Variants in BICD2 observed in about 807,000 individuals in gnomAD.
BICD2 encodes the protein BICD cargo adaptor 2, also known as protein bicaudal D homolog 2.
Under a neutral mutation model 72.9 loss-of-function variants are expected in BICD2, and 25 were observed. That is an observed-to-expected ratio of 0.34 (90% CI 0.25 to 0.48). The LOEUF is 0.48. BICD2 is among the 20% of genes least tolerant of loss of function. The pLI is 0.99. For missense variants in BICD2, 894 were observed against 1,175.2 expected (o/e 0.76, Z 3.50); for synonymous variants, 501 against 516.1 (o/e 0.97, Z 0.40).
intron 3 of BICD2, among the ~76,000 whole-genome samples, chr9:92,722,337 T>TG (rs1853479908): frequency 6.6e-6 from 1 of 152,170 alleles, no homozygotes; most frequent in Non-Finnish European, 1.5e-5. Flanking sequence ...CAGCACCTGA[T>TG]GGGGGAGTCT....
rs189444416 is a variant in BICD2, at chr9:92,752,041, G to A, written c.240+12464C>T. 7.8e-3 allele frequency among the ~76,000 whole-genome samples: 1,181 copies of A among 152,144 alleles called. 11 individuals are homozygous for A. The highest frequency in any genetic ancestry group is 0.013 in the Non-Finnish European group (859 of 67,998). ...GCTGGTCTCGAACTCCTAACCTCAC[G>A]TGATCCACCCGCCTCGGCCTCCCAA... On this transcript the variant is annotated intron_variant, in intron 1 of 6. Coordinates refer to ENST00000356884, the MANE Select transcript of BICD2 (RefSeq NM_001003800.2).
chr9:92,711,899 C>A lies in BICD2; in HGVS notation c.*3255G>T, dbSNP rs953604924. 2 of 152,312 alleles carry A rather than the reference C, an allele frequency of 1.3e-5. No individual in the cohort carries two copies. The highest frequency in any genetic ancestry group is 4.2e-4 in the South Asian group (2 of 4,818). The allele number at this position is 152,312 out of a possible 1,614,324, so 9.4% of individuals were successfully genotyped here. The stretch of plus-strand genomic sequence containing the variant: ...ACAGTTTTTCTTCCTCCAAGAGTAC[C>A]AATTTGACCACTCCCACTAACCTCA... On this transcript the variant is annotated 3_prime_UTR_variant, in exon 7 of 7. Coordinates refer to ENST00000356884, the MANE Select transcript of BICD2 (RefSeq NM_001003800.2).
chr9:92,737,889 G>T (rs1354578896), intron 1 of BICD2, among the ~76,000 whole-genome samples: 1 of 152,224 alleles, frequency 6.6e-6, no homozygotes, highest in South Asian at 2.1e-4. Flanking sequence ...CAAAGCAAAA[G>T]GTAGGACAAG....
chr9:92,738,519 C>T (rs1036771762), intron 1 of BICD2, among the ~76,000 whole-genome samples: 2 of 152,230 alleles, frequency 1.3e-5, no homozygotes, highest in African/African-American at 2.4e-5. Context: ...CCCCCTCCCT[C>T]CCCACTCTCA....
rs1248902539 is a variant in BICD2 at position 92,718,799 on chromosome 9, G to A, written c.1846C>T (p.Pro616Ser). ...SPSPGSSLPSPLSDPRREPMN... is the reference protein window; with the variant it reads ...SPSPGSSLPSSLSDPRREPMN... ...GGCTCCCGGCGTGGGTCACTCAGGGGTGATGGCAGTGAGGAGCCAGGCGAG... is the reference window on the plus strand; with the variant it reads ...GGCTCCCGGCGTGGGTCACTCAGGGATGATGGCAGTGAGGAGCCAGGCGAG... Residue 616 changes from proline to serine, a missense_variant, in exon 5 of 7, where the codon CCC (proline) becomes TCC (serine). This residue lies in a region of BICD2 where 321 missense variants were observed against 443.9 expected (regional missense o/e 0.72). Coordinates refer to ENST00000356884, the MANE Select transcript of BICD2 (RefSeq NM_001003800.2). 1 of 1,613,500 alleles carries A rather than the reference G, an allele frequency of 6.2e-7. No homozygotes were observed. The highest frequency in any genetic ancestry group is 1.3e-5 in the African/African-American group (1 of 74,918).
chr9:92,719,452 C>G lies in BICD2; in HGVS notation c.1193G>C (p.Arg398Pro), dbSNP rs749831276. The change falls in exon 5 of 7, where the codon CGG (arginine) becomes CCG (proline). Residue 398 changes from arginine (R) to proline (P), a missense_variant. Around this residue, in one of 5 missense-constraint regions of BICD2, gnomAD observed 371 missense variants for 439.1 expected, o/e 0.84. Transcript: ENST00000356884. Reference sequence around the variant, plus strand: ...CCGCTCCTTGCTGGCCTGCAGGCGCCGCAGGGCACTCAGATTCTCTGTGAG... The same window carrying G: ...CCGCTCCTTGCTGGCCTGCAGGCGCGGCAGGGCACTCAGATTCTCTGTGAG... ...TRLTENLSAL[R>P]RLQASKERQT... The G allele has an allele frequency of 6.2e-7, 1 of 1,614,012 alleles. No individual in the cohort carries two copies. Among genetic ancestry groups the G allele is most frequent in the African/African-American group, 1.3e-5 (1 of 74,946 alleles).
chr9:92,734,002 T>C (rs1853727352), intron 1 of BICD2, among the ~76,000 whole-genome samples: 1 of 151,630 alleles, frequency 6.6e-6, no homozygotes, highest in Non-Finnish European at 1.5e-5. Flanking sequence ...TTCCCAAGTA[T>C]CTGTCATCAG....
At chr9:92,715,548 T>C in intron 6 of BICD2, 85 bp from the exon 7 acceptor site, 4 of 1,352,556 alleles carry the variant, frequency 3.0e-6, no homozygotes, top group Non-Finnish European at 4.0e-6. Flanking sequence ...TGCACGGCCC[T>C]CTGACAGCCC....
At chr9:92,722,870 T>G in intron 2 of BICD2, 62 bp from the exon 3 acceptor site, 3 of 1,601,548 alleles carry the variant, frequency 1.9e-6, no homozygotes, top group Non-Finnish European at 2.6e-6. Context: ...AGGGGCTCAG[T>G]GCAGCCAGGC....
At chr9:92,733,524 GAA>G (rs748599491) in intron 1 of BICD2, among the ~76,000 whole-genome samples, 1 of 141,028 alleles carries the variant, frequency 7.1e-6, no homozygotes, top group African/African-American at 2.6e-5. Flanking sequence ...GACGACAGAG[GAA>G]AAAAAAAAAA....
rs1251406096 is a variant in BICD2, at chr9:92,729,020, T to C, written c.453+4A>G. The C allele has an allele frequency of 6.2e-7, 1 of 1,613,490 alleles. No homozygotes were observed. Among genetic ancestry groups the C allele is most frequent in the South Asian group, 1.1e-5 (1 of 91,068 alleles). Reference sequence around the variant, plus strand: ...ACAGACTAGGCCCCTCCTCACCCCCTCACCTCCTTCAGCTCCTGGGCCACA... The same window carrying C: ...ACAGACTAGGCCCCTCCTCACCCCCCCACCTCCTTCAGCTCCTGGGCCACA... On this transcript the variant is annotated splice_donor_region_variant and intron_variant, in intron 2 of 6. Transcript: ENST00000356884.
At chr9:92,743,227 C>G (rs956671588) in intron 1 of BICD2, among the ~76,000 whole-genome samples, 1 of 152,182 alleles carries the variant, frequency 6.6e-6, no homozygotes, top group South Asian at 2.1e-4. Context: ...GGGTCTCACT[C>G]TGTCACCCAG....
intron 6 of BICD2, among the ~76,000 whole-genome samples, chr9:92,717,003 C>G (rs773987531): frequency 3.9e-5 from 6 of 152,232 alleles, no homozygotes; most frequent in Non-Finnish European, 7.3e-5. Context: ...CGCAGAGGTA[C>G]AGGGCTATGC....
At chr9:92,721,086 G>A (rs1439047902) in intron 3 of BICD2, among the ~76,000 whole-genome samples, 1 of 152,222 alleles carries the variant, frequency 6.6e-6, no homozygotes, top group Non-Finnish European at 1.5e-5. Context: ...TGTACGTGTG[G>A]AGATGCACCA....
chr9:92,740,795 C>T (rs1853883978), intron 1 of BICD2, among the ~76,000 whole-genome samples: 1 of 152,112 alleles, frequency 6.6e-6, no homozygotes, highest in African/African-American at 2.4e-5. Context: ...GAACACTTAC[C>T]AACCTGTCCA....
At chr9:92,733,717 C>T (rs1428195434) in intron 1 of BICD2, among the ~76,000 whole-genome samples, 1 of 152,132 alleles carries the variant, frequency 6.6e-6, no homozygotes, top group Non-Finnish European at 1.5e-5. Flanking sequence ...CTTGTAATCC[C>T]AGCACTTCGG....
Position 92,719,272 on chromosome 9 carries a change from C to T in BICD2, c.1373G>A (p.Ser458Asn). The change falls in exon 5 of 7, where the codon AGC becomes AAC. Residue 458 changes from serine (S) to asparagine (N), a missense_variant. By Grantham distance (46) the Ser-to-Asn change is conservative. Coordinates refer to ENST00000356884, the MANE Select transcript of BICD2 (RefSeq NM_001003800.2). ...CTGGGCCTCACGAGCCTCGTGCGTG[C>T]TGCGCAGTGCCTTGAGCTGCTCGCG... ...ELREQLKALR[S>N]THEAREAQHA... The T allele has an allele frequency of 1.2e-6, 2 of 1,613,732 alleles. No individual in the cohort carries two copies. The highest frequency in any genetic ancestry group is 1.7e-6 in the Non-Finnish European group (2 of 1,180,026).
chr9:92,743,830 T>C (rs527843639), intron 1 of BICD2, among the ~76,000 whole-genome samples: 5 of 152,058 alleles, frequency 3.3e-5, no homozygotes, highest in African/African-American at 4.8e-5. Context: ...AAGAAGAACA[T>C]TGGAAGAAGG....
intron 6 of BICD2, among the ~76,000 whole-genome samples, chr9:92,716,493 T>C (rs1444674326): frequency 1.3e-5 from 2 of 151,272 alleles, no homozygotes; most frequent in Admixed American, 1.3e-4. Context: ...AAACTGGGAG[T>C]GCACGGCACC....
Sources: gnomAD v4.1 joint callset for allele counts (sites outside exome capture counted in the v4.1 genomes callset) on GRCh38, gnomAD v4.1.1 for gene constraint, gnomAD v4.1.1 regional missense constraint, MANE v1.5 for transcripts, NCBI Gene and HGNC (gene_info 2026-07-23, HGNC 2026-07-21) for gene names.